Variants in RORA observed in about 807,000 individuals in gnomAD.
RORA encodes RAR related orphan receptor A, also known as nuclear receptor ROR-alpha.
A neutral mutation model predicts 69.5 loss-of-function variants in RORA; 7 were observed. The ratio of observed to expected loss-of-function variants is 0.10; its 90% confidence interval spans 0.06 to 0.19. The LOEUF (loss-of-function observed/expected upper bound fraction) is 0.19, where lower values mean the gene tolerates loss of function less well. Ranked by LOEUF, RORA falls within the 10% of genes least tolerant of loss-of-function variation. RORA has a pLI of 1.00. For synonymous variants in RORA, 261 were observed against 240.8 expected, an observed-to-expected ratio of 1.08 and a Z score of -0.78; for missense variants, 457 against 663.0, an observed-to-expected ratio of 0.69 and a Z score of 3.41.
At chr15:60,743,100 C>T (rs537366018) in intron 1 of RORA, among the ~76,000 whole-genome samples, 18 of 150,944 alleles carry the variant, frequency 1.2e-4, no homozygotes, top group African/African-American at 2.7e-4. Flanking sequence ...CTGCAACCTC[C>T]GCCCCCTGGG....
intron 1 of RORA, among the ~76,000 whole-genome samples, chr15:60,787,818 G>A (rs2072359222): frequency 6.6e-6 from 1 of 152,220 alleles, no homozygotes; most frequent in Non-Finnish European, 1.5e-5. Flanking sequence ...CCCCAAACAA[G>A]GCATTGAGGA....
chr15:61,221,509 G>A (rs563184850), intron 1 of RORA, among the ~76,000 whole-genome samples: 10 of 152,118 alleles, frequency 6.6e-5, no homozygotes, highest in South Asian at 4.2e-4. Flanking sequence ...TTTTAAGCCC[G>A]TTTACTTTCC....
rs943016626 is a variant in RORA at position 60,902,281 on chromosome 15, ATT to A, written c.167-223597_167-223596del. The stretch of plus-strand genomic sequence containing the variant: ...TATGTTGAACTATTTCAATTTTATG[ATT>A]TTTTTTTTTTAAAAAACAGAGAGTA... On this transcript the variant is annotated intron_variant, in intron 1 of 10. Coordinates refer to ENST00000335670, the MANE Select transcript of RORA (RefSeq NM_134261.3). Among the ~76,000 whole-genome samples, 728 of 108,588 alleles carry A rather than the reference ATT, an allele frequency of 6.7e-3. 4 individuals are homozygous for A. Among genetic ancestry groups the A allele is most frequent in the Non-Finnish European group, 8.3e-3 (353 of 42,480 alleles). 71.2% of individuals were successfully genotyped at this position (108,588 alleles called of 152,430 possible). A position where few individuals can be genotyped will look rare whatever the true frequency, so the allele number is the denominator to read the frequency against.
chr15:60,855,592 T>C (rs1000574186), intron 1 of RORA, among the ~76,000 whole-genome samples: 2 of 151,832 alleles, frequency 1.3e-5, no homozygotes, highest in Non-Finnish European at 2.9e-5. Context: ...TTATTATTTA[T>C]TCTCTTGCAG....
chr15:61,112,553 A>G (rs190979743), intron 1 of RORA, among the ~76,000 whole-genome samples: 1 of 152,302 alleles, frequency 6.6e-6, no homozygotes, highest in Admixed American at 6.5e-5. Flanking sequence ...GCCAGGAAGT[A>G]AAGGGTTTAT....
At chr15:60,666,515 A>AG (rs1247798418) in intron 2 of RORA, among the ~76,000 whole-genome samples, 2 of 151,950 alleles carry the variant, frequency 1.3e-5, no homozygotes, top group African/African-American at 4.8e-5. Flanking sequence ...AGTAGGACAA[A>AG]GCTACATAAA....
At chr15:60,634,657 C>T (rs781547596) in intron 2 of RORA, among the ~76,000 whole-genome samples, 5 of 152,094 alleles carry the variant, frequency 3.3e-5, no homozygotes, top group Admixed American at 6.6e-5. Context: ...CCTGCCTTGG[C>T]GTTCCAAAGT....
chr15:60,683,514 A>G (rs1173153563), intron 1 of RORA, among the ~76,000 whole-genome samples: 2 of 152,190 alleles, frequency 1.3e-5, no homozygotes, highest in East Asian at 1.9e-4. Flanking sequence ...AAGAAAAAAG[A>G]CAGTGCCCAC....
intron 1 of RORA, among the ~76,000 whole-genome samples, chr15:60,945,760 G>A (rs1034177651): frequency 2.0e-4 from 30 of 152,342 alleles, no homozygotes; most frequent in Middle Eastern, 6.8e-3. Context: ...GTCTATCCCA[G>A]TGCACATGAT....
At chr15:60,965,935 G>A (rs552381134) in intron 1 of RORA, among the ~76,000 whole-genome samples, 72 of 152,252 alleles carry the variant, frequency 4.7e-4, no homozygotes, top group Middle Eastern at 3.4e-3. Context: ...TAAGGCTACC[G>A]TAATAGAGTA....
chr15:60,890,036 C>T (rs1056465667), intron 1 of RORA, among the ~76,000 whole-genome samples: 2 of 152,186 alleles, frequency 1.3e-5, no homozygotes, highest in Non-Finnish European at 2.9e-5. Context: ...AGGTTCCCTA[C>T]TGAAGGCAGG....
chr15:61,225,613 C>T (rs1455458479), intron 1 of RORA, among the ~76,000 whole-genome samples: 3 of 152,286 alleles, frequency 2.0e-5, no homozygotes, highest in South Asian at 2.1e-4. Context: ...TTAGGTCTGC[C>T]GGCCCTAAAA....
intron 1 of RORA, among the ~76,000 whole-genome samples, chr15:61,119,814 T>G (rs2079086159): frequency 2.0e-5 from 3 of 152,180 alleles, no homozygotes; most frequent in Non-Finnish European, 2.9e-5. Flanking sequence ...CCTGGGGACA[T>G]GAAATTCCAG....
chr15:60,753,697 C>G (rs984578709), intron 1 of RORA, among the ~76,000 whole-genome samples: 11 of 152,138 alleles, frequency 7.2e-5, no homozygotes. Flanking sequence ...ATGCTATATC[C>G]CTTTATATTT....
intron 2 of RORA, chr15:60,556,914 C>A (rs767870203): frequency 6.2e-7 from 1 of 1,613,490 alleles, no homozygotes; most frequent in Admixed American, 1.7e-5. Flanking sequence ...GCTTGCCATT[C>A]TGCCTCCAGG....
At chr15:61,197,539 T>G (rs2079856057) in intron 1 of RORA, among the ~76,000 whole-genome samples, 1 of 152,214 alleles carries the variant, frequency 6.6e-6, no homozygotes, top group African/African-American at 2.4e-5. Flanking sequence ...TTTCTCCCTC[T>G]GGTTTCATTG....
At chr15:60,629,961 G>A (rs753377919) in intron 2 of RORA, among the ~76,000 whole-genome samples, 13 of 152,212 alleles carry the variant, frequency 8.5e-5, no homozygotes, top group Non-Finnish European at 1.5e-4. Flanking sequence ...CCATGGTGTT[G>A]TCACAAGCCC....
At chr15:60,921,743 C>G (rs1028366999) in intron 1 of RORA, among the ~76,000 whole-genome samples, 6 of 152,194 alleles carry the variant, frequency 3.9e-5, no homozygotes, top group Admixed American at 2.0e-4. Context: ...TTGGAATTCA[C>G]TTTACCTTTA....
chr15:61,011,705 C>T (rs764901095), intron 1 of RORA, among the ~76,000 whole-genome samples: 23 of 152,184 alleles, frequency 1.5e-4, no homozygotes, highest in Non-Finnish European at 2.8e-4. Flanking sequence ...GGGTACCTGG[C>T]ATTTACTACA....
Sources: allele counts gnomAD v4.1 joint callset (sites outside exome capture counted in the v4.1 genomes callset), GRCh38; gene constraint gnomAD v4.1.1; transcripts MANE v1.5; gene names NCBI Gene and HGNC (gene_info 2026-07-23, HGNC 2026-07-21).